Variants in PHAF1 observed in about 807,000 individuals in gnomAD.
The protein encoded by PHAF1 is phagophore assembly factor 1.
PHAF1 carries 23 observed loss-of-function variants against 63.1 expected under a neutral mutation model. That is an observed-to-expected ratio of 0.36 (90% CI 0.26 to 0.52). The LOEUF (loss-of-function observed/expected upper bound fraction) is 0.52, where lower values mean the gene tolerates loss of function less well. Among genes scored for constraint, PHAF1 ranks in the 20% least tolerant of loss-of-function variants. PHAF1 has a pLI of 0.93. For synonymous variants in PHAF1, 167 were observed against 185.0 expected, an observed-to-expected ratio of 0.90 and a Z score of 0.79; for missense variants, 427 against 517.2, an observed-to-expected ratio of 0.83 and a Z score of 1.69.
intron 2 of PHAF1, among the ~76,000 whole-genome samples, chr16:67,122,454 G>A (rs1442933800): frequency 1.3e-5 from 2 of 151,834 alleles, no homozygotes; most frequent in African/African-American, 4.8e-5. Context: ...AACCTGGAGT[G>A]GTGGCACACA....
intron 2 of PHAF1, among the ~76,000 whole-genome samples, chr16:67,123,199 ACTCCTGGG>A (rs1963054351): frequency 7.0e-6 from 1 of 141,870 alleles, no homozygotes; most frequent in South Asian, 2.2e-4. Flanking sequence ...TAGTTTTGCC[ACTCCTGGG>A]CTCCAGCCGT....
intron 9 of PHAF1, 30 bp from the exon 10 acceptor site, chr16:67,140,480 AT>A: frequency 2.7e-6 from 4 of 1,485,868 alleles, no homozygotes; most frequent in Non-Finnish European, 3.8e-6. Context: ...AGAGGGATGG[AT>A]TTTAATTTAT....
chr16:67,138,537 G>C (rs945418810), intron 8 of PHAF1, among the ~76,000 whole-genome samples: 2 of 151,732 alleles, frequency 1.3e-5, no homozygotes, highest in East Asian at 3.9e-4. Flanking sequence ...TGGGTGGTGG[G>C]AGCAAAAACC....
intron 5 of PHAF1, 97 bp downstream of exon 5, chr16:67,132,622 G>C: frequency 7.3e-7 from 1 of 1,375,590 alleles, no homozygotes; most frequent in East Asian, 2.3e-5. Context: ...CTGGAGTCAG[G>C]CTCCCATAGG....
intron 1 of PHAF1, among the ~76,000 whole-genome samples, chr16:67,118,306 G>A (rs1182427281): frequency 7.1e-6 from 1 of 140,502 alleles, no homozygotes; most frequent in Non-Finnish European, 1.5e-5. Flanking sequence ...TAATAGGCAT[G>A]AGCCACCGTA....
rs972915323 is a variant in PHAF1 at position 67,123,671 on chromosome 16, G to C, written c.148-2288G>C. 3.0e-4 allele frequency among the ~76,000 whole-genome samples: 46 copies of C among 152,136 alleles called. 1 individual carries two copies. Among genetic ancestry groups the C allele is most frequent in the African/African-American group, 1.1e-3 (45 of 41,430 alleles). On this transcript the variant is annotated intron_variant, in intron 2 of 15. Transcript: ENST00000219139. Reference sequence around the variant, plus strand: ...ATTCCGCCTGCCACGACCTCCCAAAGTGCTGGCATGAACCACCGCACCCAG... The same window carrying C: ...ATTCCGCCTGCCACGACCTCCCAAACTGCTGGCATGAACCACCGCACCCAG...
At chr16:67,137,975 T>G (rs544520573) in intron 8 of PHAF1, among the ~76,000 whole-genome samples, 2 of 152,346 alleles carry the variant, frequency 1.3e-5, no homozygotes, top group Non-Finnish European at 2.9e-5. Flanking sequence ...GGAATATGGC[T>G]GCAGTGATGC....
At position 67,138,011 on chromosome 16, in the gene PHAF1, C is replaced by T. The variant is rs533390293; in HGVS notation, c.662-1973C>T. ...TTTTAATGCAGGGAGTCAGTTCAGC[C>T]ATCTGGTCTCCACAATAATTTGTAG... On this transcript the variant is annotated intron_variant, in intron 8 of 15. Coordinates refer to ENST00000219139, the MANE Select transcript of PHAF1 (RefSeq NM_025187.5). 2.0e-5 allele frequency among the ~76,000 whole-genome samples: 3 copies of T among 152,294 alleles called. No homozygotes were observed. The South Asian group carries it at 6.2e-4, about 32-fold the overall frequency.
intron 1 of PHAF1, among the ~76,000 whole-genome samples, chr16:67,117,202 T>G (rs1018190350): frequency 8.0e-6 from 1 of 124,626 alleles, no homozygotes; most frequent in Non-Finnish European, 1.6e-5. Flanking sequence ...CCAGCTAATT[T>G]TTTTTTTTTT....
chr16:67,110,730 G>A (rs1199959650), intron 1 of PHAF1, among the ~76,000 whole-genome samples: 1 of 152,186 alleles, frequency 6.6e-6, no homozygotes, highest in African/African-American at 2.4e-5. Flanking sequence ...CCTAGGCTTG[G>A]AACCCATGAT....
chr16:67,142,670 C>T (rs1417949779), intron 10 of PHAF1, among the ~76,000 whole-genome samples: 2 of 152,228 alleles, frequency 1.3e-5, no homozygotes, highest in Non-Finnish European at 2.9e-5. Flanking sequence ...ACTTTCAAGC[C>T]TGCCGGGGCA....
At chr16:67,112,585 A>C (rs1381501373) in intron 1 of PHAF1, among the ~76,000 whole-genome samples, 1 of 149,326 alleles carries the variant, frequency 6.7e-6, no homozygotes, top group African/African-American at 2.5e-5. Context: ...TGAGATGAGG[A>C]TTTCCAGAAA....
At chr16:67,133,621 T>C (rs942452202) in intron 6 of PHAF1, among the ~76,000 whole-genome samples, 1 of 150,018 alleles carries the variant, frequency 6.7e-6, no homozygotes, top group Non-Finnish European at 1.5e-5. Context: ...CTATTAAAAA[T>C]ACAAAAAATT....
intron 3 of PHAF1, 53 bp downstream of exon 3, chr16:67,126,095 G>C: frequency 1.5e-6 from 2 of 1,349,512 alleles, no homozygotes; most frequent in Non-Finnish European, 2.1e-6. Flanking sequence ...AGTCTTTCTG[G>C]AGCTAATTAG....
rs776326807 is a variant in PHAF1, at chr16:67,144,276, C to G, written c.880-18C>G. 6.3e-7 allele frequency: 1 copy of G among 1,587,822 alleles called. No individual in the cohort carries two copies. The highest frequency in any genetic ancestry group is 8.6e-7 in the Non-Finnish European group (1 of 1,156,300). ...TCAGTAACATTCCCTCCTTGAGTAC[C>G]CTTGTTTTCTATCCCAGGACATCCT... is the stretch of plus-strand genomic sequence containing the variant. On this transcript the variant is annotated intron_variant, in intron 10 of 15. Transcript: ENST00000219139.
intron 2 of PHAF1, among the ~76,000 whole-genome samples, chr16:67,125,577 G>T (rs572824024): frequency 6.6e-6 from 1 of 152,280 alleles, no homozygotes; most frequent in African/African-American, 2.4e-5. Context: ...CTTTTCACAT[G>T]ACCTGTATTC....
chr16:67,112,108 C>G (rs1962541729), intron 1 of PHAF1, among the ~76,000 whole-genome samples: 2 of 152,050 alleles, frequency 1.3e-5, no homozygotes, highest in Non-Finnish European at 2.9e-5. Flanking sequence ...TCCTTTCCTC[C>G]CCTCTCCTTG....
rs1963847380 is a variant in PHAF1 at position 67,142,402 on chromosome 16, T to C, written c.879+1808T>C. Among the ~76,000 whole-genome samples the C allele has an allele frequency of 2.6e-5, 4 of 152,210 alleles. No homozygotes were observed. In the South Asian group the frequency reaches 8.3e-4, roughly 31 times the overall value. On this transcript the variant is annotated intron_variant, in intron 10 of 15. Coordinates refer to ENST00000219139, the MANE Select transcript of PHAF1 (RefSeq NM_025187.5). ...AGCCCGGCCCCCAGGCCTCAGGCCA[T>C]CCCAGGCTTGAAGGTGGGGTTTCAC...
At position 67,110,086 on chromosome 16, in the gene PHAF1, G is replaced by T; in HGVS notation, c.-90G>T. ...AGCGGGGCTGTGGCGGGCCGGCGGG[G>T]GCGGCCTGTCAGCCGCTGCTTTGTC... On this transcript the variant is annotated 5_prime_UTR_variant, in exon 1 of 16. Transcript: ENST00000219139. The T allele has an allele frequency of 7.2e-7, 1 of 1,389,160 alleles. No individual in the cohort carries two copies. The highest frequency in any genetic ancestry group is 9.7e-7 in the Non-Finnish European group (1 of 1,025,872). 86.1% of individuals were successfully genotyped at this position (1,389,160 alleles called of 1,614,324 possible).
Sources: gnomAD v4.1 joint callset for allele counts (sites outside exome capture counted in the v4.1 genomes callset) on GRCh38, gnomAD v4.1.1 for gene constraint, MANE v1.5 for transcripts, NCBI Gene and HGNC (gene_info 2026-07-23, HGNC 2026-07-21) for gene names.